FHIT: variants seen among roughly 807,000 people sequenced by gnomAD.
The protein encoded by FHIT is fragile histidine triad diadenosine triphosphatase, also known as bis(5'-adenosyl)-triphosphatase.
FHIT carries 19 observed loss-of-function variants against 17.9 expected under a neutral mutation model. The ratio of observed to expected loss-of-function variants is 1.06; its 90% CI spans 0.74 to 1.56. The LOEUF (loss-of-function observed/expected upper bound fraction) is 1.56. Among genes scored for constraint, FHIT ranks in the 40% most tolerant of loss-of-function variants. The probability of loss-of-function intolerance (pLI) is 0.00; values close to 1 mark genes in which losing one functional copy is unlikely to be tolerated. For synonymous variants in FHIT, 81 were observed against 69.7 expected, an observed-to-expected ratio of 1.16 and a Z score of -0.81; for missense variants, 248 against 189.2, an observed-to-expected ratio of 1.31 and a Z score of -1.82.
Position 60,129,058 on chromosome 3 carries a change from T to G in FHIT, c.104-114906A>C, listed in dbSNP as rs1044286949. ...TCTTCTTTCCTTTTTTGTTTGTTTT[T>G]TTTTTTTTTTTTGAAACAGAGTCTT... On this transcript the variant is annotated intron_variant, in intron 5 of 9. Transcript: ENST00000492590. 4.8e-5 allele frequency among the ~76,000 whole-genome samples: 7 copies of G among 146,462 alleles called. No homozygotes were observed. In the East Asian group the frequency reaches 5.9e-4, roughly 12 times the overall value.
At chr3:60,124,450 C>T (rs555359616) in intron 5 of FHIT, among the ~76,000 whole-genome samples, 1 of 152,166 alleles carries the variant, frequency 6.6e-6, no homozygotes, top group Admixed American at 6.5e-5. Context: ...CCTTGGATAC[C>T]TATTCTTATA....
chr3:59,765,742 A>G (rs542876766), intron 8 of FHIT, among the ~76,000 whole-genome samples: 1 of 152,344 alleles, frequency 6.6e-6, no homozygotes, highest in African/African-American at 2.4e-5. Flanking sequence ...TATTACCAAG[A>G]GAAATTCTCA....
At position 60,826,750 on chromosome 3, in the gene FHIT, C is replaced by A. The variant is rs79830214; in HGVS notation, c.-110-4739G>T. On this transcript the variant is annotated intron_variant, in intron 3 of 9. Coordinates refer to ENST00000492590, the MANE Select transcript of FHIT (RefSeq NM_002012.4). The stretch of plus-strand genomic sequence containing the variant: ...GCAGCCATGGTCTTCACTGCATCCC[C>A]ACTGGCCCTGGAACCACCAACACTA... 6.7e-4 allele frequency among the ~76,000 whole-genome samples: 102 copies of A among 152,182 alleles called. 1 individual carries two copies. The East Asian group carries it at 0.017, about 25-fold the overall frequency.
At chr3:60,581,502 A>G (rs1325612958) in intron 4 of FHIT, among the ~76,000 whole-genome samples, 1 of 151,992 alleles carries the variant, frequency 6.6e-6, no homozygotes, top group African/African-American at 2.4e-5. Flanking sequence ...TTTTTGTTTT[A>G]CAGATAACAA....
chr3:60,721,385 T>C (rs1396445949), intron 4 of FHIT, among the ~76,000 whole-genome samples: 1 of 150,402 alleles, frequency 6.6e-6, no homozygotes, highest in Non-Finnish European at 1.5e-5. Context: ...AAGCTTTATC[T>C]CTTTTAAGGG....
chr3:60,656,135 T>C (rs2040109692), intron 4 of FHIT, among the ~76,000 whole-genome samples: 1 of 152,162 alleles, frequency 6.6e-6, no homozygotes, highest in Non-Finnish European at 1.5e-5. Flanking sequence ...TTAGCAGAGC[T>C]GCTGGTTTTA....
chr3:60,058,738 A>C (rs1257019845), intron 5 of FHIT, among the ~76,000 whole-genome samples: 2 of 152,224 alleles, frequency 1.3e-5, no homozygotes, highest in Non-Finnish European at 2.9e-5. Context: ...AGCTAGCAAC[A>C]CTGTGTTAAG....
intron 3 of FHIT, among the ~76,000 whole-genome samples, chr3:60,834,274 T>C (rs1210617857): frequency 6.6e-6 from 1 of 152,238 alleles, no homozygotes; most frequent in Non-Finnish European, 1.5e-5. Flanking sequence ...TTTGTTGTTA[T>C]CATTATCTTT....
At chr3:60,861,860 G>C (rs1703918823) in intron 3 of FHIT, among the ~76,000 whole-genome samples, 1 of 149,948 alleles carries the variant, frequency 6.7e-6, no homozygotes, top group African/African-American at 2.5e-5. Flanking sequence ...TGAGGCAGGA[G>C]AATGGCGTGA....
At chr3:61,209,719 T>G (rs756245142) in intron 1 of FHIT, among the ~76,000 whole-genome samples, 47 of 152,316 alleles carry the variant, frequency 3.1e-4, no homozygotes, top group Middle Eastern at 3.4e-3. Flanking sequence ...TCATCTAATT[T>G]TTTTTCAAGG....
chr3:60,315,559 T>C (rs1709127278), intron 5 of FHIT, among the ~76,000 whole-genome samples: 1 of 152,224 alleles, frequency 6.6e-6, no homozygotes, highest in Non-Finnish European at 1.5e-5. Flanking sequence ...AGGTACGCTC[T>C]AGCATCCAGC....
chr3:60,838,925 G>C (rs1294536964), intron 3 of FHIT, among the ~76,000 whole-genome samples: 2 of 152,126 alleles, frequency 1.3e-5, no homozygotes, highest in Non-Finnish European at 1.5e-5. Context: ...CTGAAAGTTA[G>C]GTAGTAAAAG....
intron 5 of FHIT, among the ~76,000 whole-genome samples, chr3:60,104,967 A>AT (rs1704346596): frequency 6.6e-6 from 1 of 152,142 alleles, no homozygotes; most frequent in Non-Finnish European, 1.5e-5. Flanking sequence ...TCTTTAGTAT[A>AT]CTTTAAAATA....
chr3:60,050,381 G>C (rs1476662509), intron 5 of FHIT, among the ~76,000 whole-genome samples: 1 of 151,974 alleles, frequency 6.6e-6, no homozygotes, highest in Non-Finnish European at 1.5e-5. Context: ...TTCTACTCTT[G>C]GTTTATAGTT....
chr3:60,149,117 T>C (rs1284466247), intron 5 of FHIT, among the ~76,000 whole-genome samples: 1 of 152,186 alleles, frequency 6.6e-6, no homozygotes, highest in Non-Finnish European at 1.5e-5. Flanking sequence ...CTCACCTAAT[T>C]GAACGTGAAA....
intron 5 of FHIT, among the ~76,000 whole-genome samples, chr3:60,419,922 A>C (rs1702407038): frequency 6.6e-6 from 1 of 152,170 alleles, no homozygotes; most frequent in African/African-American, 2.4e-5. Flanking sequence ...AAAAACAAAG[A>C]CCAAAAAATG....
intron 4 of FHIT, among the ~76,000 whole-genome samples, chr3:60,707,851 C>T (rs1468820380): frequency 2.6e-5 from 4 of 152,156 alleles, no homozygotes; most frequent in African/African-American, 9.7e-5. Context: ...CAAAATTTAT[C>T]ATGATGTTTT....
At chr3:59,986,536 T>TACACACACAC (rs1337684679) in intron 7 of FHIT, among the ~76,000 whole-genome samples, 1 of 11,566 alleles carries the variant, frequency 8.6e-5, no homozygotes, top group African/African-American at 4.8e-4. Context: ...TATATATATA[T>TACACACACAC]ATATACACAC....
At chr3:60,093,844 G>A (rs1042449291) in intron 5 of FHIT, among the ~76,000 whole-genome samples, 2 of 152,146 alleles carry the variant, frequency 1.3e-5, no homozygotes, top group Non-Finnish European at 2.9e-5. Flanking sequence ...CATGAAACAA[G>A]GTCCCTGGTG....
Sources: gnomAD v4.1 joint callset for allele counts (sites outside exome capture counted in the v4.1 genomes callset) on GRCh38, gnomAD v4.1.1 for gene constraint, MANE v1.5 for transcripts, NCBI Gene and HGNC (gene_info 2026-07-23, HGNC 2026-07-21) for gene names.